BRSK2: variants seen among roughly 807,000 people sequenced by gnomAD.
BRSK2 encodes the protein BR serine/threonine kinase 2.
Under a neutral mutation model 83.3 loss-of-function variants are expected in BRSK2, and 19 were observed. The observed-to-expected ratio is 0.23, with a 90% CI of 0.16 to 0.33. BRSK2 has a LOEUF of 0.33. Among genes scored for constraint, BRSK2 ranks in the 10% least tolerant of loss-of-function variants. The pLI is 1.00. For synonymous variants in BRSK2, 519 were observed against 435.4 expected, an observed-to-expected ratio of 1.19 and a Z score of -2.39; for missense variants, 798 against 1,042.3, an observed-to-expected ratio of 0.77 and a Z score of 3.23.
At chr11:1,447,409 C>T (rs1852302919) in intron 12 of BRSK2, among the ~76,000 whole-genome samples, 1 of 152,166 alleles carries the variant, frequency 6.6e-6, no homozygotes. Flanking sequence ...GCCTGGCTGC[C>T]TGGGGCAGGT....
At chr11:1,396,328 G>A (rs1009183866) in intron 1 of BRSK2, among the ~76,000 whole-genome samples, 8 of 140,460 alleles carry the variant, frequency 5.7e-5, no homozygotes, top group East Asian at 2.2e-4. Flanking sequence ...GACTGCATGG[G>A]GCCAGCAAGG....
chr11:1,438,090 T>A lies in BRSK2; in HGVS notation c.187-216T>A, dbSNP rs1482272359. ...ACAGCTGGCACCAAAGGCCCCTGCG[T>A]CCCCCACAGCTGGCACCAAAGGCCC... On this transcript the variant is annotated intron_variant, in intron 2 of 19. Transcript: ENST00000528841. This position sits in a 1 kb window ranked among gnomAD's most constrained non-coding sequence, Gnocchi z 6.4. Among the ~76,000 whole-genome samples, 14 of 74,358 alleles carry A rather than the reference T, an allele frequency of 1.9e-4. No individual in the cohort carries two copies. Among genetic ancestry groups the A allele is most frequent in the East Asian group, 3.5e-4 (1 of 2,856 alleles). The allele number at this position is 74,358 out of a possible 152,430, so 48.8% of individuals were successfully genotyped here.
chr11:1,445,475 T>G lies in BRSK2; in HGVS notation c.977+17T>G. 1 of 1,611,070 alleles carries G rather than the reference T, an allele frequency of 6.2e-7. No homozygotes were observed. The highest frequency in any genetic ancestry group is 1.3e-5 in the African/African-American group (1 of 75,018). On this transcript the variant is annotated intron_variant, in intron 10 of 19. Transcript: ENST00000528841. The stretch of plus-strand genomic sequence containing the variant: ...GTCCGAGGAGTGCGTCTGGGGCTGC[T>G]CCCGGGTGGGGCACGGGGCCTGAGG...
chr11:1,461,074 G>A lies in BRSK2; in HGVS notation c.*351G>A. On this transcript the variant is annotated 3_prime_UTR_variant, in exon 20 of 20. Transcript: ENST00000528841. ...CCCTCCGCTCCTGCTGTTGCTGCCG[G>A]GCAGTGAGGCCCAGCCCAGCGCCCC... The A allele has an allele frequency of 6.3e-7, 1 of 1,582,506 alleles. No homozygotes were observed. Among genetic ancestry groups the A allele is most frequent in the Non-Finnish European group, 8.6e-7 (1 of 1,159,712 alleles).
chr11:1,434,722 G>A (rs1364162941), intron 1 of BRSK2, among the ~76,000 whole-genome samples: 2 of 150,980 alleles, frequency 1.3e-5, no homozygotes, highest in Non-Finnish European at 3.0e-5. Flanking sequence ...GTGATAACCT[G>A]GGCCGGCTCT....
chr11:1,417,856 G>T (rs1476452598), intron 1 of BRSK2, among the ~76,000 whole-genome samples: 2 of 136,374 alleles, frequency 1.5e-5, no homozygotes, highest in African/African-American at 2.8e-5. Flanking sequence ...TTGAGAGTGG[G>T]TCACCTGTGT....
chr11:1,429,337 C>A (rs948074954), intron 1 of BRSK2, among the ~76,000 whole-genome samples: 4 of 127,790 alleles, frequency 3.1e-5, no homozygotes, highest in African/African-American at 1.4e-4. Flanking sequence ...AGGTGTGTGT[C>A]CTGGGTGCAT....
rs1848814583 is a variant in BRSK2, at chr11:1,423,306, G to C, written c.92-12734G>C. ...CACTGTCCTGTCCTTAGCGTCTTGA[G>C]GCTAGGGGTGAGTTCGAGACCTCGT... On this transcript the variant is annotated intron_variant, in intron 1 of 19. Coordinates refer to ENST00000528841, the MANE Select transcript of BRSK2 (RefSeq NM_001256627.2). This position sits in a 1 kb window ranked among gnomAD's most constrained non-coding sequence, Gnocchi z 6.5. 6.6e-6 allele frequency among the ~76,000 whole-genome samples: 1 copy of C among 152,166 alleles called. No individual in the cohort carries two copies. Among genetic ancestry groups the C allele is most frequent in the Non-Finnish European group, 1.5e-5 (1 of 68,040 alleles).
At chr11:1,444,935 C>T (rs776386121) in intron 8 of BRSK2, 36 bp from the exon 9 acceptor site, 23 of 1,603,022 alleles carry the variant, frequency 1.4e-5, no homozygotes, top group Middle Eastern at 1.6e-4. Flanking sequence ...TTCCGTCCCT[C>T]GTCCGTACTA....
intron 1 of BRSK2, among the ~76,000 whole-genome samples, chr11:1,408,173 C>T (rs1334700857): frequency 6.6e-6 from 1 of 152,258 alleles, no homozygotes; most frequent in Admixed American, 6.5e-5. Context: ...GGGCCCCAGC[C>T]TCCCTCCGCC....
intron 1 of BRSK2, among the ~76,000 whole-genome samples, chr11:1,399,275 T>G (rs1261233604): frequency 2.0e-5 from 3 of 152,014 alleles, no homozygotes; most frequent in Non-Finnish European, 4.4e-5. Flanking sequence ...TTTCCCTATC[T>G]GTGAAGTGGC....
intron 1 of BRSK2, among the ~76,000 whole-genome samples, chr11:1,433,198 A>G (rs61545278): frequency 0.34 from 42,016 of 124,964 alleles, 7,763 homozygotes; most frequent in African/African-American, 0.46. Context: ...CTGTGCCCTA[A>G]TGACTCCCCT....
In BRSK2 at chr11:1,450,709, CGGA is replaced by C. The variant is rs771307422; in HGVS notation, c.1413_1415del (p.Gly472del). On this transcript the variant is annotated inframe_deletion, in exon 14 of 20. Transcript: ENST00000528841. The stretch of plus-strand genomic sequence containing the variant: ...CCACGCCCCCGTCCAGCCCCAGCGT[CGGA>C]GGGGTGCCCTGGAGGGCGCGGCTCA... The C allele has an allele frequency of 6.2e-7, 1 of 1,606,094 alleles. No homozygotes were observed. The highest frequency in any genetic ancestry group is 1.1e-5 in the South Asian group (1 of 90,234).
intron 12 of BRSK2, among the ~76,000 whole-genome samples, chr11:1,448,804 C>T (rs534758813): frequency 1.6e-4 from 24 of 152,354 alleles, no homozygotes; most frequent in East Asian, 3.9e-4. Flanking sequence ...GTTGGAGGGT[C>T]GTCACCGTGG....
intron 8 of BRSK2, 48 bp downstream of exon 8, chr11:1,443,683 CGGGGGCGG>C: frequency 6.7e-7 from 1 of 1,488,564 alleles, no homozygotes; most frequent in African/African-American, 1.4e-5. Context: ...CGGGGGGGCG[CGGGGGCGG>C]GCGTGTGCCT....
intron 1 of BRSK2, among the ~76,000 whole-genome samples, chr11:1,402,844 C>T (rs188023764): frequency 2.1e-4 from 32 of 152,216 alleles, no homozygotes; most frequent in African/African-American, 7.0e-4. Context: ...GCGCTGAGCT[C>T]GGCAGAGTGA....
In BRSK2 at chr11:1,460,536, A is replaced by G. The variant is rs1429936276; in HGVS notation, c.2024A>G (p.Gln675Arg). ...PLSNFFDVIK[Q>R]LFSDEKNGQA... ...AGTAACTTCTTTGACGTAATTAAAC[A>G]ACTTTTTTCAGACGAGAAGAACGGG... The change falls in exon 20 of 20, where the codon CAA becomes CGA. Residue 675 changes from glutamine to arginine, a missense_variant. By Grantham distance (43) the Gln-to-Arg change is conservative (BLOSUM62 1). This residue lies in a region of BRSK2 where 455 missense variants were observed against 455.2 expected (regional missense o/e 1.00). Transcript: ENST00000528841. 1.3e-6 allele frequency: 2 copies of G among 1,517,860 alleles called. No individual in the cohort carries two copies. Among genetic ancestry groups the G allele is most frequent in the Non-Finnish European group, 1.8e-6 (2 of 1,141,206 alleles). 94.0% of individuals were successfully genotyped at this position (1,517,860 alleles called of 1,614,324 possible).
intron 1 of BRSK2, among the ~76,000 whole-genome samples, chr11:1,413,215 G>A (rs1157348164): frequency 1.3e-5 from 2 of 152,044 alleles, no homozygotes; most frequent in Admixed American, 6.5e-5. Context: ...CCTCCCAGAC[G>A]GCCCCTGGGG....
intron 1 of BRSK2, among the ~76,000 whole-genome samples, chr11:1,396,545 G>T (rs1846133947): frequency 6.6e-6 from 1 of 152,364 alleles, no homozygotes; most frequent in South Asian, 2.1e-4. Flanking sequence ...CAGTCCCTGG[G>T]AACAGCCTGA....
Sources: allele counts gnomAD v4.1 joint callset (sites outside exome capture counted in the v4.1 genomes callset), GRCh38; gene constraint gnomAD v4.1.1; regional missense constraint gnomAD v4.1.1; non-coding constraint Gnocchi (gnomAD v3.1); transcripts MANE v1.5; gene names NCBI Gene and HGNC (gene_info 2026-07-23, HGNC 2026-07-21).